DAB1: variants seen among roughly 807,000 people sequenced by gnomAD.
DAB1 encodes DAB adaptor protein 1.
Under a neutral mutation model 64.6 loss-of-function variants are expected in DAB1, and 15 were observed. The observed-to-expected ratio is 0.23, with a 90% CI of 0.16 to 0.36. The LOEUF is 0.36. DAB1 is among the 10% of genes least tolerant of loss of function. The pLI, the probability that DAB1 is intolerant of heterozygous loss-of-function variation, is 1.00. For missense variants in DAB1, 596 were observed against 706.7 expected (o/e 0.84, Z 1.78); for synonymous variants, 235 against 251.9 (o/e 0.93, Z 0.64).
intron 7 of DAB1, among the ~76,000 whole-genome samples, chr1:57,551,375 G>C (rs1644912558): frequency 6.6e-6 from 1 of 152,180 alleles, no homozygotes; most frequent in Non-Finnish European, 1.5e-5. Context: ...TTCCACAACT[G>C]CTGGTTCTGT....
intron 4 of DAB1, among the ~76,000 whole-genome samples, chr1:57,129,818 G>T (rs1163921611): frequency 6.6e-6 from 1 of 151,994 alleles, no homozygotes; most frequent in African/African-American, 2.4e-5. Flanking sequence ...AGCATCTTTG[G>T]TATATAGCAT....
chr1:58,164,846 T>C (rs1655737954), intron 4 of DAB1, among the ~76,000 whole-genome samples: 1 of 152,202 alleles, frequency 6.6e-6, no homozygotes, highest in Non-Finnish European at 1.5e-5. Context: ...CAGCATCTGC[T>C]TAACATATAT....
intron 6 of DAB1, among the ~76,000 whole-genome samples, chr1:57,769,309 C>A (rs1314675708): frequency 6.6e-6 from 1 of 152,148 alleles, no homozygotes; most frequent in Non-Finnish European, 1.5e-5. Flanking sequence ...AAAGACCAAC[C>A]ACTAGTAGCC....
intron 5 of DAB1, among the ~76,000 whole-genome samples, chr1:58,088,695 A>G (rs1349243615): frequency 6.6e-6 from 1 of 152,178 alleles, no homozygotes; most frequent in Non-Finnish European, 1.5e-5. Flanking sequence ...ACTCTATTCA[A>G]TCAACAAATG....
At chr1:57,574,786 C>T (rs1420854017) in intron 7 of DAB1, among the ~76,000 whole-genome samples, 1 of 152,134 alleles carries the variant, frequency 6.6e-6, no homozygotes, top group Non-Finnish European at 1.5e-5. Flanking sequence ...CACTGGTTGG[C>T]TTGGCTCAAG....
chr1:57,374,287 GTAT>G (rs1426899433), intron 1 of DAB1, among the ~76,000 whole-genome samples: 1 of 152,116 alleles, frequency 6.6e-6, no homozygotes, highest in South Asian at 2.1e-4. Flanking sequence ...TTGTCAGAAG[GTAT>G]TATGATATAG....
chr1:58,311,737 ACTCCTGCTCC>A (rs1195997094), intron 4 of DAB1, among the ~76,000 whole-genome samples: 1 of 151,696 alleles, frequency 6.6e-6, no homozygotes, highest in African/African-American at 2.4e-5. Context: ...CTCCCTGATG[ACTCCTGCTCC>A]CTGGCCCCTT....
At chr1:57,685,894 G>A (rs1024977477) in intron 6 of DAB1, among the ~76,000 whole-genome samples, 2 of 152,108 alleles carry the variant, frequency 1.3e-5, no homozygotes, top group African/African-American at 2.4e-5. Flanking sequence ...CAAAATCTCT[G>A]AGATACAGCT....
At chr1:58,234,069 T>C (rs898583218) in intron 4 of DAB1, among the ~76,000 whole-genome samples, 8 of 152,154 alleles carry the variant, frequency 5.3e-5, no homozygotes, top group African/African-American at 1.9e-4. Context: ...TGGGTGACTG[T>C]TGGGTTTTAA....
At chr1:57,468,481 A>G (rs1687029405) in intron 7 of DAB1, among the ~76,000 whole-genome samples, 1 of 152,240 alleles carries the variant, frequency 6.6e-6, no homozygotes, top group South Asian at 2.1e-4. Flanking sequence ...GAGCTACTAT[A>G]GAATTTTGAG....
At chr1:58,546,452 G>A (rs1447699924) in intron 1 of DAB1, among the ~76,000 whole-genome samples, 2 of 152,216 alleles carry the variant, frequency 1.3e-5, no homozygotes, top group African/African-American at 4.8e-5. Flanking sequence ...GGCTAGGGGA[G>A]AACCGGGCTC....
intron 1 of DAB1, among the ~76,000 whole-genome samples, chr1:57,365,363 T>A (rs1679910427): frequency 7.0e-6 from 1 of 143,694 alleles, no homozygotes; most frequent in African/African-American, 2.5e-5. Flanking sequence ...TTATATATTA[T>A]ATATAATATA....
chr1:58,020,298 G>A (rs917011296), intron 5 of DAB1, among the ~76,000 whole-genome samples: 5 of 152,158 alleles, frequency 3.3e-5, no homozygotes, highest in Non-Finnish European at 7.4e-5. Flanking sequence ...TACCTGAAGT[G>A]CTTAAACACA....
chr1:58,296,199 AAG>A (rs1661981008), intron 4 of DAB1, among the ~76,000 whole-genome samples: 1 of 48,828 alleles, frequency 2.0e-5, no homozygotes, highest in Non-Finnish European at 4.2e-5. Flanking sequence ...AAGAAAGAGA[AAG>A]AAAGAAAGAA....
At chr1:57,002,763 G>A (rs534019344) in intron 14 of DAB1, among the ~76,000 whole-genome samples, 20 of 152,328 alleles carry the variant, frequency 1.3e-4, no homozygotes, top group African/African-American at 4.8e-4. Flanking sequence ...GCCTGCCCCT[G>A]ACTGTCAGAG....
intron 6 of DAB1, among the ~76,000 whole-genome samples, chr1:57,672,191 G>A (rs1646517385): frequency 1.3e-5 from 2 of 152,124 alleles, no homozygotes; most frequent in Non-Finnish European, 2.9e-5. Context: ...GGACTTTGAA[G>A]TCTCTGCTCT....
intron 5 of DAB1, among the ~76,000 whole-genome samples, chr1:58,087,254 A>T (rs1023717451): frequency 6.6e-6 from 1 of 152,182 alleles, no homozygotes; most frequent in Admixed American, 6.5e-5. Context: ...TGTAATGAGG[A>T]CTCAATAACT....
chr1:57,025,980 CGG>C lies in DAB1; in HGVS notation c.785_786del (p.Pro262HisfsTer7). ...GGGTTCAGAGAGCAATGCATACTTA[CGG>C]GGGGAGAGGTTATATCAGGGGGTGT... ...MSTPPDITSP[P>X]TPATPGDAFI... On this transcript the variant is annotated frameshift_variant and splice_region_variant, in exon 10 of 15. Coordinates refer to ENST00000371236, the MANE Select transcript of DAB1 (RefSeq NM_001365792.1). LOFTEE classifies it high-confidence loss of function. The C allele has an allele frequency of 6.4e-7, 1 of 1,574,334 alleles. No individual in the cohort carries two copies. The highest frequency in any genetic ancestry group is 8.6e-7 in the Non-Finnish European group (1 of 1,163,604).
chr1:57,705,648 A>G (rs1028033449), intron 6 of DAB1, among the ~76,000 whole-genome samples: 3 of 152,166 alleles, frequency 2.0e-5, no homozygotes, highest in Non-Finnish European at 4.4e-5. Flanking sequence ...ATGAATAAAT[A>G]GCTTAAACTC....
Sources: gnomAD v4.1 joint callset for allele counts (sites outside exome capture counted in the v4.1 genomes callset) on GRCh38, gnomAD v4.1.1 for gene constraint, MANE v1.5 for transcripts, NCBI Gene and HGNC (gene_info 2026-07-23, HGNC 2026-07-21) for gene names.